FAT3: variants seen among roughly 807,000 people sequenced by gnomAD.
The protein encoded by FAT3 is protocadherin Fat 3.
FAT3 carries 95 observed loss-of-function variants against 310.2 expected under a neutral mutation model. That is an observed-to-expected ratio of 0.31 (90% CI 0.26 to 0.36). The LOEUF is 0.36. Among genes scored for constraint, FAT3 ranks in the 10% least tolerant of loss-of-function variants. FAT3 has a pLI of 1.00. For synonymous variants in FAT3, 2,314 were observed against 2,192.9 expected, an observed-to-expected ratio of 1.06 and a Z score of -1.54; for missense variants, 5,408 against 5,715.6, an observed-to-expected ratio of 0.95 and a Z score of 1.74.
chr11:92,635,628 C>T (rs1941739029), intron 3 of FAT3, among the ~76,000 whole-genome samples: 1 of 152,108 alleles, frequency 6.6e-6, no homozygotes, highest in Non-Finnish European at 1.5e-5. Flanking sequence ...CAGTTAAATT[C>T]CCCAGAATGC....
chr11:92,262,338 A>G lies in FAT3; in HGVS notation c.-18+37164A>G, dbSNP rs192232411. 6.8e-4 allele frequency among the ~76,000 whole-genome samples: 103 copies of G among 152,208 alleles called. 1 individual carries two copies. The highest frequency in any genetic ancestry group is 2.4e-3 in the African/African-American group (100 of 41,562). On this transcript the variant is annotated intron_variant, in intron 1 of 27. Coordinates refer to ENST00000525166, the MANE Select transcript of FAT3 (RefSeq NM_001367949.2). Reference sequence around the variant, plus strand: ...GTGTCTTTTTCCAGAAGTTGCTTCAATGGTTCTTTTGAGGACTGAATAGAA... The same window carrying G: ...GTGTCTTTTTCCAGAAGTTGCTTCAGTGGTTCTTTTGAGGACTGAATAGAA...
intron 2 of FAT3, among the ~76,000 whole-genome samples, chr11:92,463,928 A>G (rs955024057): frequency 6.6e-6 from 1 of 152,100 alleles, no homozygotes; most frequent in African/African-American, 2.4e-5. Context: ...ATGTTTTTCT[A>G]GGTTTGTGAT....
intron 1 of FAT3, among the ~76,000 whole-genome samples, chr11:92,273,317 G>A (rs1475192766): frequency 2.0e-5 from 3 of 152,038 alleles, no homozygotes; most frequent in Non-Finnish European, 4.4e-5. Flanking sequence ...CCTTGTAGCA[G>A]TCCTATTAAG....
chr11:92,418,682 G>T (rs1443650545), intron 2 of FAT3, among the ~76,000 whole-genome samples: 1 of 152,040 alleles, frequency 6.6e-6, no homozygotes, highest in Non-Finnish European at 1.5e-5. Context: ...TGCCAAGAGG[G>T]TGCATACCTG....
intron 3 of FAT3, among the ~76,000 whole-genome samples, chr11:92,593,465 A>T (rs958708547): frequency 6.6e-6 from 1 of 151,138 alleles, no homozygotes; most frequent in Non-Finnish European, 1.5e-5. Flanking sequence ...AATATTAGCC[A>T]TCCTAATGAA....
chr11:92,540,017 G>A (rs978077026), intron 3 of FAT3, among the ~76,000 whole-genome samples: 1 of 152,054 alleles, frequency 6.6e-6, no homozygotes, highest in African/African-American at 2.4e-5. Context: ...ATTTTGCGCT[G>A]AGCCCTGCAA....
chr11:92,584,344 A>AT (rs1183458907), intron 3 of FAT3, among the ~76,000 whole-genome samples: 7 of 152,028 alleles, frequency 4.6e-5, no homozygotes, highest in South Asian at 4.1e-4. Context: ...ATTTTTAATC[A>AT]TTTTTTAAAA....
intron 13 of FAT3, among the ~76,000 whole-genome samples, chr11:92,819,281 G>A (rs1199759664): frequency 1.3e-5 from 2 of 152,110 alleles, no homozygotes; most frequent in African/African-American, 4.8e-5. Context: ...GTATCACCTG[G>A]GAGCTTGTGG....
chr11:92,708,560 G>C (rs1234369118), intron 4 of FAT3, among the ~76,000 whole-genome samples: 3 of 152,200 alleles, frequency 2.0e-5, no homozygotes, highest in Non-Finnish European at 2.9e-5. Flanking sequence ...TGTTTAATAT[G>C]TTAGCTATTA....
intron 3 of FAT3, among the ~76,000 whole-genome samples, chr11:92,674,864 G>GA (rs1011365107): frequency 1.5e-4 from 23 of 152,028 alleles, no homozygotes; most frequent in Non-Finnish European, 3.2e-4. Context: ...AAATGATCTA[G>GA]AAAAAAATGC....
intron 1 of FAT3, among the ~76,000 whole-genome samples, chr11:92,285,265 C>T (rs933305579): frequency 3.2e-5 from 4 of 123,580 alleles, no homozygotes; most frequent in African/African-American, 1.3e-4. Context: ...GCTAAGATTA[C>T]AACTTCTAAA....
intron 4 of FAT3, among the ~76,000 whole-genome samples, chr11:92,731,733 A>AC (rs1431223367): frequency 5.3e-5 from 8 of 151,024 alleles, no homozygotes; most frequent in South Asian, 2.1e-4. Flanking sequence ...CAGTAAGAAG[A>AC]CCCCCCAAGG....
chr11:92,672,527 C>G (rs1232798841), intron 3 of FAT3, among the ~76,000 whole-genome samples: 1 of 152,108 alleles, frequency 6.6e-6, no homozygotes, highest in Non-Finnish European at 1.5e-5. Flanking sequence ...TGGTGACAAA[C>G]AAAGTAGCAG....
chr11:92,849,471 A>C (rs557950326), intron 19 of FAT3, among the ~76,000 whole-genome samples: 1 of 152,250 alleles, frequency 6.6e-6, no homozygotes, highest in African/African-American at 2.4e-5. Flanking sequence ...CGCAGACCCA[A>C]CCTGGCTAAC....
At chr11:92,808,901 G>A (rs977351764) in intron 12 of FAT3, among the ~76,000 whole-genome samples, 1 of 152,018 alleles carries the variant, frequency 6.6e-6, no homozygotes. Flanking sequence ...ACTCCAGCCT[G>A]GGCGACAGAG....
At position 92,402,501 on chromosome 11, in the gene FAT3, A is replaced by G. The variant is rs1025512319; in HGVS notation, c.3292+47097A>G. On this transcript the variant is annotated intron_variant, in intron 2 of 27. Coordinates refer to ENST00000525166, the MANE Select transcript of FAT3 (RefSeq NM_001367949.2). ...TCCCAACACTTTGGGAGGCTGAGGC[A>G]GGCAGATCTTTTGATCTCAGGAGTT... Among the ~76,000 whole-genome samples the G allele has an allele frequency of 8.5e-5, 13 of 152,186 alleles. 1 individual carries two copies. The highest frequency in any genetic ancestry group is 6.5e-4 in the Admixed American group (10 of 15,268).
Position 92,725,662 on chromosome 11 carries a change from A to T in FAT3, c.3669+28217A>T, listed in dbSNP as rs140369749. Among the ~76,000 whole-genome samples the T allele has an allele frequency of 7.7e-4, 118 of 152,276 alleles. 3 individuals carry two copies. In the East Asian group the frequency reaches 0.019, roughly 24 times the overall value. On this transcript the variant is annotated intron_variant, in intron 4 of 27. Coordinates refer to ENST00000525166, the MANE Select transcript of FAT3 (RefSeq NM_001367949.2). The stretch of plus-strand genomic sequence containing the variant: ...CTTAAATGACCATTTGCTTTCTATA[A>T]GCTGTTGCCTCAGATACAGTTGAGA...
At chr11:92,539,551 A>G (rs2135407177) in intron 3 of FAT3, among the ~76,000 whole-genome samples, 1 of 152,304 alleles carries the variant, frequency 6.6e-6, no homozygotes, top group East Asian at 1.9e-4. Flanking sequence ...GGAGGAACAC[A>G]AAAAACAGGA....
At chr11:92,381,184 T>G (rs1018181478) in intron 2 of FAT3, among the ~76,000 whole-genome samples, 2 of 152,194 alleles carry the variant, frequency 1.3e-5, no homozygotes, top group Non-Finnish European at 2.9e-5. Flanking sequence ...AGTAAGAACT[T>G]AGGCACTGGA....
Sources: gnomAD v4.1 joint callset for allele counts (sites outside exome capture counted in the v4.1 genomes callset) on GRCh38, gnomAD v4.1.1 for gene constraint, MANE v1.5 for transcripts, NCBI Gene and HGNC (gene_info 2026-07-23, HGNC 2026-07-21) for gene names.